The following ATP10A variants were observed in gnomAD, a reference collection of about 807,000 sequenced individuals.
ATP10A encodes phospholipid-transporting ATPase VA.
A neutral mutation model predicts 147.8 loss-of-function variants in ATP10A; 111 were observed. That is an observed-to-expected ratio of 0.75 (90% CI 0.64 to 0.88). The LOEUF is 0.88. ATP10A is among the 40% of genes least tolerant of loss of function. ATP10A has a pLI of 0.00. For synonymous variants in ATP10A, 875 were observed against 841.6 expected, an observed-to-expected ratio of 1.04 and a Z score of -0.69; for missense variants, 1,927 against 1,959.0, an observed-to-expected ratio of 0.98 and a Z score of 0.31.
intron 1 of ATP10A, among the ~76,000 whole-genome samples, chr15:25,834,136 T>C (rs1892491196): frequency 6.6e-6 from 1 of 152,194 alleles, no homozygotes; most frequent in African/African-American, 2.4e-5. Context: ...ACATCATGTT[T>C]TACACCATAA....
intron 15 of ATP10A, among the ~76,000 whole-genome samples, chr15:25,688,326 C>A (rs1899812992): frequency 6.6e-6 from 1 of 152,120 alleles, no homozygotes; most frequent in South Asian, 2.1e-4. Flanking sequence ...TGGTGATGGG[C>A]AAAGCCAGGC....
At chr15:25,860,571 G>A (rs1893714268) in intron 1 of ATP10A, among the ~76,000 whole-genome samples, 1 of 152,176 alleles carries the variant, frequency 6.6e-6, no homozygotes, top group Admixed American at 6.5e-5. Flanking sequence ...AAGGCAGCTG[G>A]GAAGTGAATG....
chr15:25,786,309 G>A lies in ATP10A; in HGVS notation c.450-5086C>T, dbSNP rs370241185. 8.5e-5 allele frequency among the ~76,000 whole-genome samples: 13 copies of A among 152,194 alleles called. No individual in the cohort carries two copies. In the East Asian group the frequency reaches 2.3e-3, roughly 27 times the overall value. On this transcript the variant is annotated intron_variant, in intron 1 of 20. Coordinates refer to ENST00000555815, the MANE Select transcript of ATP10A (RefSeq NM_024490.4). ...CTCGGCCTTCACCTCCCACGGCCGA[G>A]TGAACACGGCTGGAAGGACATCTCG...
At chr15:25,689,146 C>T (rs1001070870) in intron 15 of ATP10A, among the ~76,000 whole-genome samples, 1 of 152,238 alleles carries the variant, frequency 6.6e-6, no homozygotes, top group Admixed American at 6.5e-5. Flanking sequence ...CCTGGCTTGC[C>T]AGCCTTCTGC....
downstream of ATP10A, among the ~76,000 whole-genome samples, chr15:25,675,590 G>A (rs1247349153): frequency 4.6e-5 from 7 of 152,068 alleles, no homozygotes; most frequent in Non-Finnish European, 8.8e-5. Flanking sequence ...CTGGGAGGGA[G>A]GGAGCAACCA....
chr15:25,727,582 C>A (rs144604194), intron 3 of ATP10A, among the ~76,000 whole-genome samples: 1 of 152,282 alleles, frequency 6.6e-6, no homozygotes, highest in Non-Finnish European at 1.5e-5. Context: ...AACTCCCAAC[C>A]GGCCAAGGAA....
intron 2 of ATP10A, among the ~76,000 whole-genome samples, chr15:25,777,720 C>A (rs1266087714): frequency 6.6e-6 from 1 of 151,946 alleles, no homozygotes; most frequent in Non-Finnish European, 1.5e-5. Flanking sequence ...CCCATTCAAT[C>A]CCTTGAGCAG....
rs188240031 is a variant in ATP10A, at chr15:25,808,885, G to A, written c.450-27662C>T. On this transcript the variant is annotated intron_variant, in intron 1 of 20. Transcript: ENST00000555815. ...TTTGAGTTTAGGATTAGAGGGTGGG[G>A]AAGGTGGACAGGCATTAACACTAGA... Among the ~76,000 whole-genome samples, 51 of 152,300 alleles carry A rather than the reference G, an allele frequency of 3.3e-4. 1 individual carries two copies. The highest frequency in any genetic ancestry group is 1.2e-3 in the African/African-American group (49 of 41,560).
At chr15:25,764,023 G>T (rs763969611) in intron 2 of ATP10A, among the ~76,000 whole-genome samples, 4 of 151,904 alleles carry the variant, frequency 2.6e-5, no homozygotes, top group Non-Finnish European at 5.9e-5. Flanking sequence ...AGAAGAATAT[G>T]CCTCATTATG....
chr15:25,745,453 G>A (rs1887799122), intron 2 of ATP10A, among the ~76,000 whole-genome samples: 1 of 152,066 alleles, frequency 6.6e-6, no homozygotes, highest in African/African-American at 2.4e-5. Context: ...CAAGCACAGT[G>A]GCTCATGCCT....
In ATP10A at chr15:25,846,891, C is replaced by T. The variant is rs1056126273; in HGVS notation, c.449+15757G>A. ...ATAGATATAAGATATTTATGCATTACATGCCGGTAATTTATAAATAAATAC... is the reference window on the plus strand; with the variant it reads ...ATAGATATAAGATATTTATGCATTATATGCCGGTAATTTATAAATAAATAC... On this transcript the variant is annotated intron_variant, in intron 1 of 20. Coordinates refer to ENST00000555815, the MANE Select transcript of ATP10A (RefSeq NM_024490.4). Among the ~76,000 whole-genome samples the T allele has an allele frequency of 4.6e-5, 7 of 152,128 alleles. No individual in the cohort carries two copies. The East Asian group carries it at 9.6e-4, about 21-fold the overall frequency.
intron 16 of ATP10A, among the ~76,000 whole-genome samples, chr15:25,685,009 G>T (rs1235623811): frequency 1.3e-5 from 2 of 152,074 alleles, no homozygotes; most frequent in Non-Finnish European, 2.9e-5. Flanking sequence ...CACTCCTACG[G>T]CTGGCTCTCG....
intron 1 of ATP10A, among the ~76,000 whole-genome samples, chr15:25,807,440 G>A (rs1596927580): frequency 6.6e-6 from 1 of 152,214 alleles, no homozygotes; most frequent in African/African-American, 2.4e-5. Context: ...TTCTTGTGAC[G>A]ACAGCTGAAC....
intron 1 of ATP10A, among the ~76,000 whole-genome samples, chr15:25,810,358 G>A (rs1422468151): frequency 6.6e-6 from 1 of 152,166 alleles, no homozygotes; most frequent in Non-Finnish European, 1.5e-5. Flanking sequence ...CAAGCCCTAG[G>A]TACCTGCACC....
At chr15:25,793,252 C>A (rs1890517559) in intron 1 of ATP10A, among the ~76,000 whole-genome samples, 1 of 152,124 alleles carries the variant, frequency 6.6e-6, no homozygotes, top group Non-Finnish European at 1.5e-5. Context: ...CCAAGAGAAG[C>A]CTCCAGATAG....
At chr15:25,742,743 C>A (rs375605301) in intron 2 of ATP10A, among the ~76,000 whole-genome samples, 1 of 152,154 alleles carries the variant, frequency 6.6e-6, no homozygotes, top group Non-Finnish European at 1.5e-5. Context: ...CAGTAGGTAA[C>A]GAGAGTTGTT....
rs1353949737 is a variant in ATP10A at position 25,862,800 on chromosome 15, G to A, written c.297C>T (p.Phe99=). ...GCTGGAAGGCGTTCACCGCCGGCAC[G>A]AAGTTGAGCAGCGCGATGAAGACAA... ...VYFVFIALLN[F]VPAVNAFQPG... is the part of the protein sequence containing the mutation. Residue 99 remains phenylalanine (F), a synonymous_variant, in exon 1 of 21, where the codon TTC becomes TTT. Coordinates refer to ENST00000555815, the MANE Select transcript of ATP10A (RefSeq NM_024490.4). 6.2e-7 allele frequency: 1 copy of A among 1,610,542 alleles called. No individual in the cohort carries two copies.
At chr15:25,746,975 TTCTTG>T (rs367841882) in intron 2 of ATP10A, among the ~76,000 whole-genome samples, 27 of 152,286 alleles carry the variant, frequency 1.8e-4, no homozygotes, top group Admixed American at 8.5e-4. Flanking sequence ...TCTGAAAAAC[TTCTTG>T]TCTTAAGTAT....
At chr15:25,762,429 A>G (rs965955910) in intron 2 of ATP10A, among the ~76,000 whole-genome samples, 7 of 152,038 alleles carry the variant, frequency 4.6e-5, no homozygotes, top group African/African-American at 1.7e-4. Context: ...GGAATGCACC[A>G]CCACGCCCGG....
Sources: gnomAD v4.1 joint callset for allele counts (sites outside exome capture counted in the v4.1 genomes callset) on GRCh38, gnomAD v4.1.1 for gene constraint, MANE v1.5 for transcripts, NCBI Gene and HGNC (gene_info 2026-07-23, HGNC 2026-07-21) for gene names.